Variants in LUZP2 observed in about 807,000 individuals in gnomAD.
LUZP2 encodes the protein leucine zipper protein 2.
Under a neutral mutation model 51.6 loss-of-function variants are expected in LUZP2, and 52 were observed. The ratio of observed to expected loss-of-function variants is 1.01; its 90% CI spans 0.81 to 1.27. LUZP2 has a LOEUF of 1.27. Among genes scored for constraint, LUZP2 ranks in the 50% most tolerant of loss-of-function variants. The pLI, the probability that LUZP2 is intolerant of heterozygous loss-of-function variation, is 0.00. For missense variants in LUZP2, 436 were observed against 395.4 expected, an observed-to-expected ratio of 1.10 and a Z score of -0.87; for synonymous variants, 154 against 137.3, an observed-to-expected ratio of 1.12 and a Z score of -0.85.
intron 5 of LUZP2, among the ~76,000 whole-genome samples, chr11:24,772,592 CAGCATGTGA>C (rs1288954361): frequency 1.3e-5 from 2 of 152,052 alleles, no homozygotes; most frequent in African/African-American, 4.8e-5. Flanking sequence ...ATTTCGTATC[CAGCATGTGA>C]AGCTCCCTAT....
At chr11:25,033,026 AT>A in intron 9 of LUZP2, among the ~76,000 whole-genome samples, 1 of 152,302 alleles carries the variant, frequency 6.6e-6, no homozygotes, top group East Asian at 1.9e-4. Flanking sequence ...CTTAACAATC[AT>A]CTAACTTTGG....
In LUZP2 at chr11:25,081,980, G is replaced by T. The variant is rs1440413771; in HGVS notation, c.*3322G>T. 6.6e-6 allele frequency: 1 copy of T among 151,890 alleles called. No individual in the cohort carries two copies. The highest frequency in any genetic ancestry group is 1.5e-5 in the Non-Finnish European group (1 of 67,942). The allele number at this position is 151,890 out of a possible 1,614,324, so 9.4% of individuals were successfully genotyped here. On this transcript the variant is annotated 3_prime_UTR_variant, in exon 12 of 12. Transcript: ENST00000336930. The stretch of plus-strand genomic sequence containing the variant: ...GTTTCTAAATTAGAAATTTCTTTTG[G>T]CTTTGTGTTTTTTTAATGTGCGTTA...
chr11:24,600,744 A>G (rs968474344), intron 1 of LUZP2, among the ~76,000 whole-genome samples: 3 of 152,150 alleles, frequency 2.0e-5, no homozygotes, highest in Admixed American at 6.6e-5. Flanking sequence ...AAGGTAGTAT[A>G]AACGTAAGCA....
intron 10 of LUZP2, among the ~76,000 whole-genome samples, chr11:25,051,986 A>T (rs1378262783): frequency 6.6e-6 from 1 of 152,090 alleles, no homozygotes; most frequent in Non-Finnish European, 1.5e-5. Context: ...TTCTGTCCTC[A>T]GTGAGTTCCA....
At chr11:24,905,501 C>T (rs1450711973) in intron 5 of LUZP2, among the ~76,000 whole-genome samples, 1 of 151,836 alleles carries the variant, frequency 6.6e-6, no homozygotes, top group Admixed American at 6.6e-5. Flanking sequence ...GCACTCCAGC[C>T]AGGACAACGG....
intron 1 of LUZP2, among the ~76,000 whole-genome samples, chr11:24,605,370 T>G (rs562984303): frequency 2.6e-5 from 4 of 151,914 alleles, no homozygotes; most frequent in African/African-American, 9.6e-5. Context: ...CATAAAACTT[T>G]TGAGGATATG....
At chr11:25,040,720 T>C (rs1314281698) in intron 9 of LUZP2, among the ~76,000 whole-genome samples, 1 of 152,162 alleles carries the variant, frequency 6.6e-6, no homozygotes, top group Non-Finnish European at 1.5e-5. Flanking sequence ...CTCAATGTGA[T>C]GAGTTGTAGA....
intron 5 of LUZP2, among the ~76,000 whole-genome samples, chr11:24,826,190 A>AAAAAATAAAT (rs1215786412): frequency 1.5e-5 from 1 of 67,536 alleles, no homozygotes; most frequent in Non-Finnish European, 2.6e-5. Context: ...AAAAAAAAAA[A>AAAAAATAAAT]ATATATATAT....
chr11:25,074,843 A>T (rs747329020), intron 10 of LUZP2, among the ~76,000 whole-genome samples: 10 of 152,152 alleles, frequency 6.6e-5, no homozygotes, highest in Non-Finnish European at 1.3e-4. Context: ...ATCATTCAAG[A>T]TCAAAACTTT....
chr11:24,745,647 G>A (rs1225825030), intron 4 of LUZP2, among the ~76,000 whole-genome samples: 1 of 151,752 alleles, frequency 6.6e-6, no homozygotes, highest in African/African-American at 2.4e-5. Context: ...CAATTGGTTG[G>A]CAAGCTTTTT....
chr11:24,747,149 C>T (rs959839196), intron 4 of LUZP2, among the ~76,000 whole-genome samples: 4 of 152,136 alleles, frequency 2.6e-5, no homozygotes, highest in African/African-American at 9.7e-5. Flanking sequence ...CAGTGTTGGT[C>T]TTCTGGTTCC....
At chr11:24,979,365 T>C (rs958080404) in intron 8 of LUZP2, among the ~76,000 whole-genome samples, 1 of 151,786 alleles carries the variant, frequency 6.6e-6, no homozygotes, top group South Asian at 2.1e-4. Flanking sequence ...TAAAGTTAGA[T>C]AGAAATGCTA....
intron 1 of LUZP2, among the ~76,000 whole-genome samples, chr11:24,546,747 T>C (rs1375956428): frequency 6.6e-6 from 1 of 152,014 alleles, no homozygotes; most frequent in Non-Finnish European, 1.5e-5. Context: ...TATTGTTGTG[T>C]GTTTGCCAGG....
intron 7 of LUZP2, among the ~76,000 whole-genome samples, chr11:24,959,613 C>T (rs1385362309): frequency 6.6e-6 from 1 of 152,134 alleles, no homozygotes; most frequent in Non-Finnish European, 1.5e-5. Context: ...TATCCTGAGA[C>T]TTTGCTGAAG....
intron 5 of LUZP2, among the ~76,000 whole-genome samples, chr11:24,829,467 G>T (rs1309539129): frequency 6.6e-6 from 1 of 152,122 alleles, no homozygotes; most frequent in Non-Finnish European, 1.5e-5. Context: ...TGCTCAACTT[G>T]TAGTGATATG....
At chr11:24,918,125 G>A (rs1406204451) in intron 7 of LUZP2, among the ~76,000 whole-genome samples, 1 of 151,944 alleles carries the variant, frequency 6.6e-6, no homozygotes, top group African/African-American at 2.4e-5. Flanking sequence ...CTCATGATTT[G>A]GCTCTCTGTT....
intron 9 of LUZP2, among the ~76,000 whole-genome samples, chr11:24,989,756 G>A (rs1409814255): frequency 6.6e-6 from 1 of 152,084 alleles, no homozygotes; most frequent in Non-Finnish European, 1.5e-5. Flanking sequence ...GAATATGCTG[G>A]CCCATTTGTT....
intron 1 of LUZP2, among the ~76,000 whole-genome samples, chr11:24,716,879 G>C (rs1340046871): frequency 2.0e-5 from 3 of 151,050 alleles, no homozygotes; most frequent in Non-Finnish European, 4.4e-5. Context: ...CTGGGTGACA[G>C]AGTGAGACTA....
chr11:24,821,906 T>G (rs118109538), intron 5 of LUZP2, among the ~76,000 whole-genome samples: 15,902 of 150,260 alleles, frequency 0.11, 1,080 homozygotes, highest in Admixed American at 0.15. Flanking sequence ...AGCTTCTGAT[T>G]TATTAATAAT....
Sources: gnomAD v4.1 joint callset for allele counts (sites outside exome capture counted in the v4.1 genomes callset) on GRCh38, gnomAD v4.1.1 for gene constraint, MANE v1.5 for transcripts, NCBI Gene and HGNC (gene_info 2026-07-23, HGNC 2026-07-21) for gene names.